NLE1: variants seen among roughly 807,000 people sequenced by gnomAD.
NLE1 encodes notchless homolog 1.
NLE1 carries 37 observed loss-of-function variants against 62.8 expected under a neutral mutation model. The observed-to-expected ratio is 0.59, with a 90% CI of 0.45 to 0.78. The LOEUF (loss-of-function observed/expected upper bound fraction) is 0.78, where lower values mean the gene tolerates loss of function less well. Ranked by LOEUF, NLE1 falls within the 30% of genes least tolerant of loss-of-function variation. NLE1 has a pLI of 0.00. For missense variants in NLE1, 555 were observed against 637.9 expected (o/e 0.87, Z 1.40); for synonymous variants, 243 against 253.0 (o/e 0.96, Z 0.37).
In NLE1 at chr17:35,129,996, G is replaced by C. The variant is rs2091866669; in HGVS notation, c.*2441C>G. 2.2e-6 allele frequency: 3 copies of C among 1,378,236 alleles called. No homozygotes were observed. Among genetic ancestry groups the C allele is most frequent in the Non-Finnish European group, 2.8e-6 (3 of 1,067,648 alleles). The allele number at this position is 1,378,236 out of a possible 1,614,324, so 85.4% of individuals were successfully genotyped here. On this transcript the variant is annotated 3_prime_UTR_variant, in exon 13 of 13. Transcript: ENST00000442241. Reference sequence around the variant, plus strand: ...GCATTGAAAGAAATAGGGAAGACAAGAGGCTAAAGGGGGACGAAGAAGGGA... The same window carrying C: ...GCATTGAAAGAAATAGGGAAGACAACAGGCTAAAGGGGGACGAAGAAGGGA...
chr17:35,137,566 G>A lies in NLE1; in HGVS notation c.612C>T (p.Gly204=), dbSNP rs147948223. ...TLAGHSKWIT[G]LSWEPLHANP... is the part of the protein sequence containing the mutation. ...ACGCATGGAGGGGCTCCCAGCTCAG[G>A]CCTGTGATCCACTTGCTGTGGCCAG... Residue 204 remains glycine, a synonymous_variant, in exon 6 of 13, where the codon GGC becomes GGT. Transcript: ENST00000442241. 2.4e-5 allele frequency: 39 copies of A among 1,609,862 alleles called. No individual in the cohort carries two copies. In the African/African-American group the frequency reaches 4.9e-4, roughly 20 times the overall value.
intron 9 of NLE1, 36 bp from the exon 10 acceptor site, chr17:35,135,487 G>A: frequency 1.2e-6 from 2 of 1,601,066 alleles, no homozygotes; most frequent in Non-Finnish European, 1.7e-6. Flanking sequence ...GTTGGGTGTG[G>A]TCTCAGAAAG....
At chr17:35,137,711 A>T (rs915283024) in intron 5 of NLE1, 71 bp from the exon 6 acceptor site, 2 of 1,384,548 alleles carry the variant, frequency 1.4e-6, no homozygotes, top group Non-Finnish European at 2.0e-6. Flanking sequence ...CCTGCCTACC[A>T]CTTCCCACCC....
chr17:35,129,141 C>G lies in NLE1; in HGVS notation c.*3296G>C. ...CCAGTTCCTAACAGGCCATGGACTG[C>G]TATCAGTTGGTGGCCCAAGGGTTGA... On this transcript the variant is annotated 3_prime_UTR_variant, in exon 13 of 13. Coordinates refer to ENST00000442241, the MANE Select transcript of NLE1 (RefSeq NM_018096.5). 2.7e-6 allele frequency: 1 copy of G among 373,082 alleles called. No homozygotes were observed. The highest frequency in any genetic ancestry group is 5.0e-6 in the Non-Finnish European group (1 of 198,626). 23.1% of individuals were successfully genotyped at this position (373,082 alleles called of 1,614,324 possible). A position where few individuals can be genotyped will look rare whatever the true frequency, so the allele number is the denominator to read the frequency against.
In NLE1 at chr17:35,131,130, A is replaced by G. The variant is rs1428911070; in HGVS notation, c.*1307T>C. 6.6e-6 allele frequency: 1 copy of G among 152,184 alleles called. No individual in the cohort carries two copies. Among genetic ancestry groups the G allele is most frequent in the Non-Finnish European group, 1.5e-5 (1 of 68,062 alleles). The allele number at this position is 152,184 out of a possible 1,614,324, so 9.4% of individuals were successfully genotyped here. On this transcript the variant is annotated 3_prime_UTR_variant, in exon 13 of 13. Coordinates refer to ENST00000442241, the MANE Select transcript of NLE1 (RefSeq NM_018096.5). ...CATTTCTTATGTTGTTTCCTCATCA[A>G]AAGTTTTGGAGCTTGAGAACCTTCC...
At chr17:35,135,954 T>G (rs1248781656) in intron 9 of NLE1, among the ~76,000 whole-genome samples, 1 of 152,174 alleles carries the variant, frequency 6.6e-6, no homozygotes, top group Non-Finnish European at 1.5e-5. Flanking sequence ...GGAAATGTAA[T>G]AAATAGACAA....
At position 35,132,387 on chromosome 17, in the gene NLE1, G is replaced by GC; in HGVS notation, c.*49dup. ...CCTTTGTTCTCTGGCAGGGAAGGCA[G>GC]CTGGCAGAGGCCGAGTCGAGGTGGG... is the stretch of plus-strand genomic sequence containing the variant. On this transcript the variant is annotated 3_prime_UTR_variant, in exon 13 of 13. Transcript: ENST00000442241. 2 of 1,432,944 alleles carry GC rather than the reference G, an allele frequency of 1.4e-6. No individual in the cohort carries two copies. The highest frequency in any genetic ancestry group is 1.8e-6 in the Non-Finnish European group (2 of 1,086,040). The allele number at this position is 1,432,944 out of a possible 1,614,324, so 88.8% of individuals were successfully genotyped here.
chr17:35,138,671 T>C (rs953311115), intron 4 of NLE1, among the ~76,000 whole-genome samples: 4 of 152,208 alleles, frequency 2.6e-5, no homozygotes, highest in Non-Finnish European at 5.9e-5. Flanking sequence ...CTCAAACTCC[T>C]GACCTCAAGT....
Position 35,129,579 on chromosome 17 carries a change from T to C in NLE1, c.*2858A>G. On this transcript the variant is annotated 3_prime_UTR_variant, in exon 13 of 13. Transcript: ENST00000442241. ...GGCACTACTGTCAAGCTGATGGAGC[T>C]AAAGCCTAACACGTGTTACTGCCTC... 6.2e-7 allele frequency: 1 copy of C among 1,614,130 alleles called. No individual in the cohort carries two copies. Among genetic ancestry groups the C allele is most frequent in the Non-Finnish European group, 8.5e-7 (1 of 1,180,012 alleles).
chr17:35,141,552 CAAAA>C (rs549704502), intron 2 of NLE1, among the ~76,000 whole-genome samples: 1 of 83,602 alleles, frequency 1.2e-5, no homozygotes, highest in Non-Finnish European at 2.5e-5. Flanking sequence ...GACTCCGTCT[CAAAA>C]AAAAAAAAAA....
Position 35,129,225 on chromosome 17 carries a change from C to A in NLE1, c.*3212G>T. On this transcript the variant is annotated 3_prime_UTR_variant, in exon 13 of 13. Transcript: ENST00000442241. ...GTGTACCCTAAAGTGGGTGGGGCTG[C>A]CCAGGAGAGTAGTACATGCTTCGGG... 1.5e-6 allele frequency: 1 copy of A among 682,798 alleles called. No homozygotes were observed. Among genetic ancestry groups the A allele is most frequent in the Non-Finnish European group, 2.5e-6 (1 of 399,938 alleles). The allele number at this position is 682,798 out of a possible 1,614,324, so 42.3% of individuals were successfully genotyped here. A position where few individuals can be genotyped will look rare whatever the true frequency, so the allele number is the denominator to read the frequency against.
Position 35,129,812 on chromosome 17 carries a change from T to C in NLE1, c.*2625A>G. 1 of 1,442,728 alleles carries C rather than the reference T, an allele frequency of 6.9e-7. No homozygotes were observed. The highest frequency in any genetic ancestry group is 2.5e-5 in the East Asian group (1 of 40,028). 89.4% of individuals were successfully genotyped at this position (1,442,728 alleles called of 1,614,324 possible). On this transcript the variant is annotated 3_prime_UTR_variant, in exon 13 of 13. Coordinates refer to ENST00000442241, the MANE Select transcript of NLE1 (RefSeq NM_018096.5). ...CAAGAAGCATCAATTCCAGAATGCATGCTTCTGGGAGGTTTAAGGATTAAG... is the reference window on the plus strand; with the variant it reads ...CAAGAAGCATCAATTCCAGAATGCACGCTTCTGGGAGGTTTAAGGATTAAG...
Position 35,132,360 on chromosome 17 carries a change from A to G in NLE1, c.*77T>C, listed in dbSNP as rs1470161310. 4.5e-6 allele frequency: 6 copies of G among 1,328,558 alleles called. No homozygotes were observed. The African/African-American group carries it at 7.6e-5, about 17-fold the overall frequency. The allele number at this position is 1,328,558 out of a possible 1,614,324, so 82.3% of individuals were successfully genotyped here. A position where few individuals can be genotyped will look rare whatever the true frequency, so the allele number is the denominator to read the frequency against. On this transcript the variant is annotated 3_prime_UTR_variant, in exon 13 of 13. Coordinates refer to ENST00000442241, the MANE Select transcript of NLE1 (RefSeq NM_018096.5). ...GGGAGGGTGTGTGCACTGCCATCTC[A>G]GCCTTTGTTCTCTGGCAGGGAAGGC...
At chr17:35,139,098 G>A (rs2091926997) in intron 4 of NLE1, 137 bp downstream of exon 4, 2 of 656,900 alleles carry the variant, frequency 3.0e-6, no homozygotes, top group Admixed American at 5.6e-5. Context: ...GGGACTGCTT[G>A]AACCCAGGAG....
In NLE1 at chr17:35,137,071, C is replaced by A. The variant is rs772515484; in HGVS notation, c.758G>T (p.Arg253Leu). The change falls in exon 7 of 13, where the codon CGG (arginine) becomes CTG (leucine). Residue 253 changes from arginine to leucine, a missense_variant. Arg to Leu is a moderately radical substitution (Grantham distance 102). Coordinates refer to ENST00000442241, the MANE Select transcript of NLE1 (RefSeq NM_018096.5). ...TGHTQSVTCL[R>L]WGGDGLLYSA... ...GTAGAGAAGCCCGTCCCCTCCCCAC[C>A]GGAGACAGGTGACCGACTGGGTGTG... is the stretch of plus-strand genomic sequence containing the variant. 3.7e-6 allele frequency: 6 copies of A among 1,614,010 alleles called. No homozygotes were observed. Among genetic ancestry groups the A allele is most frequent in the South Asian group, 3.3e-5 (3 of 91,056 alleles).
At chr17:35,132,722 T>C (rs2091884394) in intron 12 of NLE1, among the ~76,000 whole-genome samples, 1 of 152,202 alleles carries the variant, frequency 6.6e-6, no homozygotes, top group African/African-American at 2.4e-5. Flanking sequence ...TTCCAGAGTG[T>C]TGACCCTCCT....
intron 7 of NLE1, 30 bp downstream of exon 7, chr17:35,136,971 G>C: frequency 6.4e-7 from 1 of 1,554,338 alleles, no homozygotes. Flanking sequence ...CGATTTTCTG[G>C]ACTGGTTTCT....
intron 7 of NLE1, among the ~76,000 whole-genome samples, 197 bp from the exon 8 acceptor site, chr17:35,136,694 G>T (rs2091910977): frequency 6.6e-6 from 1 of 152,176 alleles, no homozygotes; most frequent in South Asian, 2.1e-4. Flanking sequence ...CATGGAAGAG[G>T]AGTTAGGGAT....
chr17:35,139,419 TGGAA>T, intron 3 of NLE1, 105 bp from the exon 4 acceptor site: 1 of 919,848 alleles, frequency 1.1e-6, no homozygotes, highest in South Asian at 1.4e-5. Context: ...TCCTCGCCCC[TGGAA>T]GGGAGAAAGA....
Sources: allele counts gnomAD v4.1 joint callset (sites outside exome capture counted in the v4.1 genomes callset), GRCh38; gene constraint gnomAD v4.1.1; transcripts MANE v1.5; gene names NCBI Gene and HGNC (gene_info 2026-07-23, HGNC 2026-07-21).